CCDC178: variants seen among roughly 807,000 people sequenced by gnomAD.
The protein encoded by CCDC178 is coiled-coil domain containing 178.
In CCDC178, 126 loss-of-function variants were observed where a neutral mutation model predicts 117.4. That is an observed-to-expected ratio of 1.07 (90% CI 0.93 to 1.24). CCDC178 has a LOEUF of 1.24. Among genes scored for constraint, CCDC178 ranks in the 50% most tolerant of loss-of-function variants. CCDC178 has a pLI of 0.00. For missense variants in CCDC178, 1,030 were observed against 986.9 expected, an observed-to-expected ratio of 1.04 and a Z score of -0.59; for synonymous variants, 283 against 313.4, an observed-to-expected ratio of 0.90 and a Z score of 1.02.
At chr18:33,350,997 A>G (rs2062969420) in intron 7 of CCDC178, among the ~76,000 whole-genome samples, 1 of 152,012 alleles carries the variant, frequency 6.6e-6, no homozygotes, top group Non-Finnish European at 1.5e-5. Flanking sequence ...TATAATATAA[A>G]CTAAGGGTTT....
In CCDC178 at chr18:33,293,255, A is replaced by T; in HGVS notation, c.1080T>A (p.Asn360Lys). ...LFDHYSSSVI[N>K]VNTNIEEKEE... The stretch of plus-strand genomic sequence containing the variant: ...CCTTCTCCTCAATATTAGTATTAAC[A>T]TTTATCACTGATGAAGAGTAATGAT... The change falls in exon 12 of 23, where the codon AAT (asparagine) becomes AAA (lysine). Residue 360 changes from asparagine (N) to lysine (K), a missense_variant. Physicochemically the swap from Asn to Lys is moderately conservative, Grantham distance 94 (BLOSUM62 0). Transcript: ENST00000383096. The T allele has an allele frequency of 6.4e-7, 1 of 1,558,130 alleles. No homozygotes were observed. The highest frequency in any genetic ancestry group is 8.8e-7 in the Non-Finnish European group (1 of 1,131,756).
At chr18:33,395,983 C>G (rs1180976850) in intron 4 of CCDC178, among the ~76,000 whole-genome samples, 1 of 151,608 alleles carries the variant, frequency 6.6e-6, no homozygotes, top group African/African-American at 2.4e-5. Context: ...AACGTTTGTG[C>G]ATCAAAAGGC....
At chr18:33,413,547 A>G (rs957639004) in intron 2 of CCDC178, among the ~76,000 whole-genome samples, 4 of 151,822 alleles carry the variant, frequency 2.6e-5, no homozygotes, top group Non-Finnish European at 5.9e-5. Context: ...AAATGCTTCT[A>G]CTGCTATTAA....
At chr18:33,006,358 G>A (rs1309748911) in intron 21 of CCDC178, among the ~76,000 whole-genome samples, 1 of 152,052 alleles carries the variant, frequency 6.6e-6, no homozygotes, top group East Asian at 1.9e-4. Context: ...TGATGGCAAT[G>A]TATGACAACA....
At chr18:33,295,941 G>A (rs367641387) in intron 11 of CCDC178, among the ~76,000 whole-genome samples, 48 of 152,152 alleles carry the variant, frequency 3.2e-4, no homozygotes, top group African/African-American at 9.9e-4. Context: ...ATATTTATCC[G>A]AGAGAAATGA....
chr18:33,059,758 A>ATGG (rs2056892341), intron 21 of CCDC178, among the ~76,000 whole-genome samples: 3 of 152,156 alleles, frequency 2.0e-5, no homozygotes, highest in African/African-American at 7.2e-5. Flanking sequence ...CTCCAGTCCA[A>ATGG]ATCTTGCAGG....
intron 10 of CCDC178, chr18:33,328,085 T>TTTTTTTTG: frequency 5.3e-5 from 1 of 18,888 alleles, no homozygotes; most frequent in African/African-American, 4.7e-4. Context: ...ATCCCTAGAT[T>TTTTTTTTG]TTTTTTTTTT....
chr18:33,390,069 A>T (rs1416585419), intron 4 of CCDC178, among the ~76,000 whole-genome samples: 1 of 149,434 alleles, frequency 6.7e-6, no homozygotes, highest in Non-Finnish European at 1.5e-5. Flanking sequence ...GATATGTAGG[A>T]TTTATTTCTA....
chr18:33,098,239 G>A (rs1461301546), intron 20 of CCDC178, among the ~76,000 whole-genome samples: 2 of 152,088 alleles, frequency 1.3e-5, no homozygotes, highest in Admixed American at 6.6e-5. Context: ...TGAAATAGCT[G>A]TTTACAAATA....
chr18:33,421,133 G>A (rs1234535289), intron 2 of CCDC178, among the ~76,000 whole-genome samples: 3 of 152,192 alleles, frequency 2.0e-5, no homozygotes, highest in African/African-American at 7.2e-5. Flanking sequence ...TTAGGGAAGA[G>A]TTTCCAGGCA....
chr18:33,127,256 G>A (rs2058018521), intron 20 of CCDC178, among the ~76,000 whole-genome samples: 1 of 151,820 alleles, frequency 6.6e-6, no homozygotes, highest in Non-Finnish European at 1.5e-5. Flanking sequence ...AAATATTAGT[G>A]GAGATCACTT....
intron 14 of CCDC178, among the ~76,000 whole-genome samples, chr18:33,250,263 T>C (rs2059604783): frequency 1.3e-5 from 2 of 151,834 alleles, no homozygotes; most frequent in South Asian, 4.1e-4. Context: ...AGATGTTCAA[T>C]AGTAATTTAT....
intron 22 of CCDC178, among the ~76,000 whole-genome samples, chr18:32,951,639 G>A (rs2054486360): frequency 1.3e-5 from 2 of 152,062 alleles, no homozygotes; most frequent in Admixed American, 6.6e-5. Context: ...ATATCATTCT[G>A]CCCCAGCTCC....
Position 33,245,395 on chromosome 18 carries a change from T to C in CCDC178, c.1443A>G (p.Ile481Met), listed in dbSNP as rs755609007. ...TTAACTTCATTATTGTCAAATATTT[T>C]ATTTCAGATTCGTATTTTGATTTTT... ...IRKKSKYESEIKYLTIMKLKN... is the reference protein window; with the variant it reads ...IRKKSKYESEMKYLTIMKLKN... The change falls in exon 15 of 23, where the codon ATA becomes ATG. Residue 481 changes from isoleucine to methionine, a missense_variant. Transcript: ENST00000383096. The C allele has an allele frequency of 3.2e-6, 5 of 1,576,466 alleles. No homozygotes were observed. The highest frequency in any genetic ancestry group is 4.3e-6 in the Non-Finnish European group (5 of 1,163,950).
chr18:33,352,002 T>C (rs977248637), intron 7 of CCDC178, among the ~76,000 whole-genome samples: 5 of 152,240 alleles, frequency 3.3e-5, no homozygotes, highest in Non-Finnish European at 5.9e-5. Flanking sequence ...CTGATGTTAA[T>C]TCTTCTTTCA....
intron 21 of CCDC178, among the ~76,000 whole-genome samples, chr18:32,980,711 T>G (rs928972031): frequency 6.6e-6 from 1 of 152,102 alleles, no homozygotes; most frequent in African/African-American, 2.4e-5. Flanking sequence ...TTTGAAAAGT[T>G]TTTCAACTTT....
At chr18:32,996,284 T>C (rs557692334) in intron 21 of CCDC178, among the ~76,000 whole-genome samples, 6 of 152,036 alleles carry the variant, frequency 3.9e-5, no homozygotes, top group African/African-American at 1.2e-4. Flanking sequence ...AAGTCCCCAG[T>C]GTAATCTTCT....
chr18:32,959,621 A>G (rs1046587052), intron 22 of CCDC178, among the ~76,000 whole-genome samples: 20 of 151,958 alleles, frequency 1.3e-4, no homozygotes, highest in Admixed American at 1.1e-3. Context: ...TCTTGTTATA[A>G]CTGCACTGTT....
At chr18:33,421,775 T>C (rs1177360721) in intron 2 of CCDC178, among the ~76,000 whole-genome samples, 1 of 152,158 alleles carries the variant, frequency 6.6e-6, no homozygotes, top group South Asian at 2.1e-4. Flanking sequence ...ATAGATAATT[T>C]GGTGGTTCTA....
Sources: gnomAD v4.1 joint callset for allele counts (sites outside exome capture counted in the v4.1 genomes callset) on GRCh38, gnomAD v4.1.1 for gene constraint, MANE v1.5 for transcripts, NCBI Gene and HGNC (gene_info 2026-07-23, HGNC 2026-07-21) for gene names.